HEATR4: variants seen among roughly 807,000 people sequenced by gnomAD.
The protein encoded by HEATR4 is HEAT repeat-containing protein 4.
HEATR4 carries 95 observed loss-of-function variants against 108.8 expected under a neutral mutation model. The ratio of observed to expected loss-of-function variants is 0.87; its 90% confidence interval spans 0.74 to 1.04. HEATR4 has a LOEUF of 1.04. Ranked by LOEUF, HEATR4 falls within the 50% of genes least tolerant of loss-of-function variation. The pLI, the probability that HEATR4 is intolerant of heterozygous loss-of-function variation, is 0.00. For synonymous variants in HEATR4, 443 were observed against 459.4 expected (o/e 0.96, Z 0.46); for missense variants, 1,152 against 1,253.8 (o/e 0.92, Z 1.23).
At chr14:73,515,391 C>A (rs1286630602) in intron 5 of HEATR4, among the ~76,000 whole-genome samples, 3 of 151,884 alleles carry the variant, frequency 2.0e-5, no homozygotes, top group Non-Finnish European at 2.9e-5. Flanking sequence ...TAAAAAGAGT[C>A]CTGTGAGGCG....
the HEATR4 span, among the ~76,000 whole-genome samples, chr14:73,567,096 C>T: frequency 4.5e-4 from 68 of 152,006 alleles, no homozygotes; most frequent in Non-Finnish European, 8.7e-4. Flanking sequence ...TGTGAGCCAC[C>T]GCGCCCATCC....
intron 4 of HEATR4, among the ~76,000 whole-genome samples, chr14:73,519,735 C>T (rs1279037545): frequency 6.6e-6 from 1 of 151,438 alleles, no homozygotes; most frequent in Non-Finnish European, 1.5e-5. Context: ...AGAAAAGAAC[C>T]GGCTGGGCAC....
chr14:73,533,248 G>A lies in HEATR4; in HGVS notation c.-151-3004C>T, dbSNP rs1361069838. On this transcript the variant is annotated intron_variant, in intron 1 of 17. Coordinates refer to ENST00000553558, the MANE Select transcript of HEATR4 (RefSeq NM_001220484.1). ...AGAATTGAAAGCAGGGACTTTAACA[G>A]ATATTTGTATACCCATGTTCATAGC... Among the ~76,000 whole-genome samples the A allele has an allele frequency of 1.7e-5, 2 of 115,222 alleles. 1 individual carries two copies. The highest frequency in any genetic ancestry group is 5.7e-5 in the African/African-American group (2 of 35,306). 75.6% of individuals were successfully genotyped at this position (115,222 alleles called of 152,430 possible). A position where few individuals can be genotyped will look rare whatever the true frequency, so the allele number is the denominator to read the frequency against.
chr14:73,490,825 C>A, intron 17 of HEATR4: 1 of 511,004 alleles, frequency 2.0e-6, no homozygotes, highest in South Asian at 8.5e-5. Context: ...TTGCCGCTGC[C>A]GCTACAGCTT....
the HEATR4 span, chr14:73,595,651 G>A: frequency 6.6e-7 from 1 of 1,518,144 alleles, no homozygotes; most frequent in Non-Finnish European, 8.8e-7. Flanking sequence ...TCCCTAAATT[G>A]TAATGCATTT....
the HEATR4 span, among the ~76,000 whole-genome samples, chr14:73,572,925 C>T: frequency 1.3e-5 from 2 of 151,140 alleles, no homozygotes; most frequent in Non-Finnish European, 2.9e-5. Context: ...GGGTTACAGG[C>T]GTGAGCCACC....
the HEATR4 span, among the ~76,000 whole-genome samples, chr14:73,564,591 G>C: frequency 6.6e-6 from 1 of 151,934 alleles, no homozygotes; most frequent in African/African-American, 2.4e-5. Context: ...GGGTAACACA[G>C]TGAGACACCC....
chr14:73,526,455 A>C (rs1217924016), intron 2 of HEATR4, among the ~76,000 whole-genome samples: 1 of 152,188 alleles, frequency 6.6e-6, no homozygotes, highest in Non-Finnish European at 1.5e-5. Context: ...TGTGACACCA[A>C]CTGTGGTGAA....
chr14:73,569,226 C>T, the HEATR4 span: 2 of 1,612,066 alleles, frequency 1.2e-6, no homozygotes, highest in Admixed American at 1.7e-5. Context: ...TAGCCTGCGA[C>T]GGCAGCCCGA....
At chr14:73,595,481 CCTTA>C in the HEATR4 span, 4 of 1,614,096 alleles carry the variant, frequency 2.5e-6, 1 homozygote, top group Non-Finnish European at 3.4e-6. Flanking sequence ...CATCGAGCCT[CCTTA>C]CTTCCCCCTG....
the HEATR4 span, among the ~76,000 whole-genome samples, chr14:73,624,093 C>T: frequency 6.6e-6 from 1 of 151,792 alleles, no homozygotes; most frequent in African/African-American, 2.4e-5. Flanking sequence ...TTAAGACCAG[C>T]CTAGACAACA....
chr14:73,576,811 A>G, the HEATR4 span, among the ~76,000 whole-genome samples: 22 of 148,646 alleles, frequency 1.5e-4, no homozygotes, highest in Non-Finnish European at 3.1e-4. Flanking sequence ...AAAAAAAAAA[A>G]AAAAAAAAAG....
intron 17 of HEATR4, chr14:73,491,926 T>C (rs770452097): frequency 6.2e-7 from 1 of 1,613,618 alleles, no homozygotes; most frequent in Admixed American, 1.7e-5. Flanking sequence ...GTCCGCAGGC[T>C]TTCTCTACTA....
chr14:73,629,719 A>G, the HEATR4 span, among the ~76,000 whole-genome samples: 1 of 150,776 alleles, frequency 6.6e-6, no homozygotes, highest in African/African-American at 2.4e-5. Flanking sequence ...ATCTCAGCTC[A>G]CTGCAAGCTC....
At chr14:73,505,392 TG>T (rs1025341871) in intron 10 of HEATR4, among the ~76,000 whole-genome samples, 11 of 143,676 alleles carry the variant, frequency 7.7e-5, no homozygotes, top group Middle Eastern at 3.4e-3. Context: ...TTTTTTGTTT[TG>T]TTTTTTTTTG....
chr14:73,528,371 G>A (rs55705802), intron 2 of HEATR4, among the ~76,000 whole-genome samples: 14 of 113,478 alleles, frequency 1.2e-4, no homozygotes, highest in African/African-American at 4.0e-4. Flanking sequence ...CAGCCTGGAC[G>A]ACAAGAGCGA....
the HEATR4 span, among the ~76,000 whole-genome samples, chr14:73,585,045 GC>G: frequency 6.7e-6 from 1 of 149,784 alleles, no homozygotes; most frequent in African/African-American, 2.4e-5. Flanking sequence ...TGAGTCTGAG[GC>G]CCCTGACCTG....
the HEATR4 span, chr14:73,591,753 A>C: frequency 1.3e-5 from 6 of 455,160 alleles, no homozygotes; most frequent in Admixed American, 1.8e-4. Context: ...GACGACCCTG[A>C]AGAGGAGCCT....
At chr14:73,545,880 G>A (rs1889222025) in intron 1 of HEATR4, among the ~76,000 whole-genome samples, 1 of 113,672 alleles carries the variant, frequency 8.8e-6, no homozygotes, top group African/African-American at 2.9e-5. Context: ...GGTTGTAGAA[G>A]TACATGCCTG....
Sources: gnomAD v4.1 joint callset for allele counts (sites outside exome capture counted in the v4.1 genomes callset) on GRCh38, gnomAD v4.1.1 for gene constraint, MANE v1.5 for transcripts, NCBI Gene and HGNC (gene_info 2026-07-23, HGNC 2026-07-21) for gene names.